Variants in AEBP2 observed in about 807,000 individuals in gnomAD.
AEBP2 encodes the protein zinc finger protein AEBP2.
AEBP2 carries 10 observed loss-of-function variants against 50.8 expected under a neutral mutation model. That is an observed-to-expected ratio of 0.20 (90% CI 0.12 to 0.33). The LOEUF (loss-of-function observed/expected upper bound fraction) is 0.33, where lower values mean the gene tolerates loss of function less well. Among genes scored for constraint, AEBP2 ranks in the 10% least tolerant of loss-of-function variants. The pLI, the probability that AEBP2 is intolerant of heterozygous loss-of-function variation, is 1.00. For missense variants in AEBP2, 570 were observed against 688.0 expected (o/e 0.83, Z 1.92); for synonymous variants, 296 against 261.3 (o/e 1.13, Z -1.28).
At chr12:19,452,045 C>G (rs932947550) in intron 1 of AEBP2, among the ~76,000 whole-genome samples, 2 of 152,160 alleles carry the variant, frequency 1.3e-5, no homozygotes, top group Admixed American at 6.5e-5. Flanking sequence ...CATGCGCCCC[C>G]ACACCCAGCT....
At chr12:19,499,613 CT>C (rs369727869) in intron 4 of AEBP2, among the ~76,000 whole-genome samples, 3,608 of 98,444 alleles carry the variant, frequency 0.037, 86 homozygotes, top group East Asian at 0.07. Context: ...GACTCTGTCT[CT>C]TAAAAAAAAA....
At chr12:19,405,268 A>T (rs1319604945) in intron 1 of AEBP2, among the ~76,000 whole-genome samples, 1 of 150,932 alleles carries the variant, frequency 6.6e-6, no homozygotes, top group Non-Finnish European at 1.5e-5. Context: ...TTGCTTATCA[A>T]ATTGCTTATT....
intron 1 of AEBP2, among the ~76,000 whole-genome samples, chr12:19,450,590 G>C (rs1210958868): frequency 7.0e-6 from 1 of 143,430 alleles, no homozygotes; most frequent in Non-Finnish European, 1.5e-5. Context: ...AGCACTTTGG[G>C]AGGCTGAGGA....
intron 1 of AEBP2, among the ~76,000 whole-genome samples, chr12:19,414,936 AC>A (rs1325042824): frequency 2.6e-5 from 4 of 151,102 alleles, no homozygotes; most frequent in Non-Finnish European, 5.9e-5. Flanking sequence ...AAAAAAAAAA[AC>A]AGTTTGAGTC....
intron 5 of AEBP2, among the ~76,000 whole-genome samples, chr12:19,509,867 T>C (rs922380960): frequency 6.8e-6 from 1 of 146,952 alleles, no homozygotes; most frequent in Non-Finnish European, 1.5e-5. Flanking sequence ...CTCACTCACT[T>C]TGTTGCTTGG....
At chr12:19,454,130 G>A (rs924842698) in intron 1 of AEBP2, among the ~76,000 whole-genome samples, 1 of 152,000 alleles carries the variant, frequency 6.6e-6, no homozygotes, top group Admixed American at 6.6e-5. Context: ...AGCTCAAGCC[G>A]TTCGCCGCCT....
rs141506550 is a variant in AEBP2, at chr12:19,409,652, T to G, written c.-17+5436T>G. On this transcript the variant is annotated intron_variant, in intron 1 of 3. Coordinates refer to the AEBP2 transcript ENST00000538425. ...TCACATACATTTTTAAACTGCAGTC[T>G]TATGGAAATGAAAATCCCATTTGGA... Among the ~76,000 whole-genome samples the G allele has an allele frequency of 2.2e-3, 333 of 152,338 alleles. 1 individual carries two copies. The highest frequency in any genetic ancestry group is 5.9e-3 in the African/African-American group (247 of 41,580).
At chr12:19,485,921 T>C in intron 3 of AEBP2, among the ~76,000 whole-genome samples, 1 of 147,792 alleles carries the variant, frequency 6.8e-6, no homozygotes. Flanking sequence ...GAGGAAGTGA[T>C]AAGGTGATGT....
At chr12:19,497,215 T>C (rs905344110) in intron 4 of AEBP2, among the ~76,000 whole-genome samples, 1 of 151,574 alleles carries the variant, frequency 6.6e-6, no homozygotes, top group East Asian at 1.9e-4. Flanking sequence ...AATAAAGATA[T>C]TTTTCTGCAT....
chr12:19,455,325 T>C (rs1027088871), intron 1 of AEBP2, among the ~76,000 whole-genome samples: 4 of 152,180 alleles, frequency 2.6e-5, no homozygotes, highest in Non-Finnish European at 4.4e-5. Context: ...TTAAGATAAT[T>C]GTGTTGCTAT....
intron 6 of AEBP2, among the ~76,000 whole-genome samples, chr12:19,512,816 T>C (rs1184718853): frequency 6.6e-6 from 1 of 151,900 alleles, no homozygotes; most frequent in Admixed American, 6.6e-5. Context: ...GGTGTGGTGG[T>C]GCGCACCCAT....
chr12:19,437,469 G>A (rs1592712452), upstream of AEBP2, among the ~76,000 whole-genome samples: 1 of 152,058 alleles, frequency 6.6e-6, no homozygotes, highest in Non-Finnish European at 1.5e-5. Context: ...AACCTCCAGG[G>A]CTCAAGTGAA....
intron 7 of AEBP2, among the ~76,000 whole-genome samples, chr12:19,517,533 G>C (rs1949337315): frequency 6.6e-6 from 1 of 152,234 alleles, no homozygotes; most frequent in African/African-American, 2.4e-5. Flanking sequence ...GTGATTTAAA[G>C]TATACAGAAG....
intron 1 of AEBP2, among the ~76,000 whole-genome samples, chr12:19,454,093 T>C (rs990605041): frequency 5.3e-5 from 8 of 152,102 alleles, no homozygotes; most frequent in South Asian, 2.1e-4. Context: ...GGTCTCGCCA[T>C]GTTGCCAGGC....
chr12:19,466,331 C>T (rs762679836), intron 2 of AEBP2, among the ~76,000 whole-genome samples: 27 of 152,078 alleles, frequency 1.8e-4, no homozygotes, highest in Admixed American at 1.2e-3. Flanking sequence ...TGGCACACGC[C>T]TGTGGTCTTA....
chr12:19,439,656 G>C lies in AEBP2; in HGVS notation c.-44G>C. 1 of 1,473,912 alleles carries C rather than the reference G, an allele frequency of 6.8e-7. No individual in the cohort carries two copies. The highest frequency in any genetic ancestry group is 1.2e-5 in the South Asian group (1 of 80,734). The allele number at this position is 1,473,912 out of a possible 1,614,324, so 91.3% of individuals were successfully genotyped here. A position where few individuals can be genotyped will look rare whatever the true frequency, so the allele number is the denominator to read the frequency against. ...GAGGGAGAGAGAGTCGAGAGAGGGA[G>C]GCGGCGGTGGGGAGGAGGAGGAGGA... On this transcript the variant is annotated 5_prime_UTR_variant, in exon 1 of 8. Transcript: ENST00000266508.
chr12:19,515,282 T>G (rs560989138), intron 7 of AEBP2, among the ~76,000 whole-genome samples: 2 of 152,306 alleles, frequency 1.3e-5, no homozygotes, highest in African/African-American at 4.8e-5. Flanking sequence ...TAGTGTGCTG[T>G]GCTTATGAAG....
At chr12:19,497,062 A>G (rs1444149233) in intron 4 of AEBP2, among the ~76,000 whole-genome samples, 1 of 151,290 alleles carries the variant, frequency 6.6e-6, no homozygotes, top group African/African-American at 2.4e-5. Context: ...TTTTAAATAT[A>G]CTTTAAAGTG....
chr12:19,474,864 C>G (rs941061021), intron 3 of AEBP2, among the ~76,000 whole-genome samples: 1 of 151,938 alleles, frequency 6.6e-6, no homozygotes, highest in African/African-American at 2.4e-5. Context: ...ATGATCTTGG[C>G]TCACTGCAAC....
Sources: allele counts gnomAD v4.1 joint callset (sites outside exome capture counted in the v4.1 genomes callset), GRCh38; gene constraint gnomAD v4.1.1; transcripts MANE v1.5; gene names NCBI Gene and HGNC (gene_info 2026-07-23, HGNC 2026-07-21).